The following USP13 variants were observed in gnomAD, a reference collection of about 807,000 sequenced individuals.
The protein encoded by USP13 is ubiquitin carboxyl-terminal hydrolase 13.
USP13 carries 68 observed loss-of-function variants against 107.8 expected under a neutral mutation model. The observed-to-expected ratio is 0.63, with a 90% CI of 0.52 to 0.77. USP13 has a LOEUF of 0.77. USP13 is among the 30% of genes least tolerant of loss of function. USP13 has a pLI of 0.00. For synonymous variants in USP13, 377 were observed against 389.5 expected (o/e 0.97, Z 0.38); for missense variants, 945 against 1,093.3 (o/e 0.86, Z 1.91).
chr3:179,761,387 G>C, intron 17 of USP13, 132 bp downstream of exon 17: 7 of 1,191,850 alleles, frequency 5.9e-6, no homozygotes, highest in South Asian at 1.7e-5. Flanking sequence ...TCCTGCAGTG[G>C]AGGAGAAAGC....
chr3:179,736,720 C>T (rs934006420), intron 10 of USP13, among the ~76,000 whole-genome samples: 5 of 152,206 alleles, frequency 3.3e-5, no homozygotes, highest in Non-Finnish European at 7.3e-5. Context: ...GAATGGGCCA[C>T]AGTCCAGGTA....
chr3:179,758,481 T>G (rs1714883652), intron 16 of USP13, among the ~76,000 whole-genome samples: 1 of 152,168 alleles, frequency 6.6e-6, no homozygotes, highest in African/African-American at 2.4e-5. Flanking sequence ...TGAACTGACA[T>G]TTGCATCCTA....
chr3:179,673,368 G>T (rs1720801676), intron 1 of USP13, among the ~76,000 whole-genome samples: 1 of 147,170 alleles, frequency 6.8e-6, no homozygotes, highest in African/African-American at 2.5e-5. Context: ...ACTGTTTTTG[G>T]GATTCAGTGG....
At chr3:179,672,683 G>A (rs1720784078) in intron 1 of USP13, among the ~76,000 whole-genome samples, 2 of 152,028 alleles carry the variant, frequency 1.3e-5, no homozygotes, top group South Asian at 2.1e-4. Flanking sequence ...CAAAGTGATG[G>A]GATTACAGGC....
intron 11 of USP13, among the ~76,000 whole-genome samples, chr3:179,741,826 G>T (rs1335551630): frequency 6.6e-6 from 1 of 152,188 alleles, no homozygotes; most frequent in Admixed American, 6.5e-5. Flanking sequence ...ATTTACATGA[G>T]TGTATTTATA....
intron 10 of USP13, among the ~76,000 whole-genome samples, chr3:179,734,939 A>C (rs1261651129): frequency 6.6e-6 from 1 of 152,148 alleles, no homozygotes; most frequent in Non-Finnish European, 1.5e-5. Context: ...AATATGGTGG[A>C]CTGTGTCTGG....
chr3:179,664,652 GA>G (rs1720536929), intron 1 of USP13, among the ~76,000 whole-genome samples: 1 of 152,170 alleles, frequency 6.6e-6, no homozygotes, highest in Admixed American at 6.5e-5. Context: ...CAGGCACAGG[GA>G]AGATGTGAAC....
At chr3:179,672,380 CT>C (rs993221171) in intron 1 of USP13, among the ~76,000 whole-genome samples, 1 of 147,860 alleles carries the variant, frequency 6.8e-6, no homozygotes, top group Non-Finnish European at 1.5e-5. Context: ...CTTTCTTTTT[CT>C]TTTTTTTTCT....
chr3:179,762,092 C>G lies in USP13; in HGVS notation c.2092+837C>G, dbSNP rs944332348. 1.2e-4 allele frequency among the ~76,000 whole-genome samples: 18 copies of G among 152,156 alleles called. 1 individual carries two copies. The highest frequency in any genetic ancestry group is 3.9e-4 in the Admixed American group (6 of 15,280). ...ATAATAGCAGTCACTCCCCATTTTC[C>G]TGCTCACCCCAGCCCCTGGCAACCA... On this transcript the variant is annotated intron_variant, in intron 17 of 20. Transcript: ENST00000263966.
Position 179,665,562 on chromosome 3 carries a change from C to T in USP13, c.168+12169C>T, listed in dbSNP as rs186255212. On this transcript the variant is annotated intron_variant, in intron 1 of 20. Coordinates refer to ENST00000263966, the MANE Select transcript of USP13 (RefSeq NM_003940.3). ...AGCCCTGATGAGTCATGAAGTTAGA[C>T]CCTGCAGCACTTATAGGATATTTAA... Among the ~76,000 whole-genome samples, 346 of 152,160 alleles carry T rather than the reference C, an allele frequency of 2.3e-3. 2 individuals carry two copies. The highest frequency in any genetic ancestry group is 7.8e-3 in the African/African-American group (323 of 41,494).
intron 1 of USP13, among the ~76,000 whole-genome samples, chr3:179,664,863 G>A (rs1434863073): frequency 1.3e-5 from 2 of 152,088 alleles, no homozygotes; most frequent in African/African-American, 4.8e-5. Context: ...TGAGGTGGGC[G>A]GATCACCTGA....
intron 3 of USP13, among the ~76,000 whole-genome samples, chr3:179,690,587 T>G (rs1397381720): frequency 6.6e-6 from 1 of 152,198 alleles, no homozygotes; most frequent in East Asian, 1.9e-4. Flanking sequence ...TATTTTTATT[T>G]TTTGAGACAG....
chr3:179,770,038 TC>T (rs1440624428), intron 19 of USP13, among the ~76,000 whole-genome samples: 20 of 152,220 alleles, frequency 1.3e-4, no homozygotes, highest in Non-Finnish European at 2.9e-5. Flanking sequence ...TCCCCAACGT[TC>T]CCCAGCAGTG....
At chr3:179,730,768 G>C (rs1448825787) in intron 10 of USP13, 59 bp downstream of exon 10, 14 of 1,515,168 alleles carry the variant, frequency 9.2e-6, no homozygotes, top group Non-Finnish European at 1.2e-5. Flanking sequence ...TTAGAATGTG[G>C]GTTTCCTATG....
At chr3:179,661,592 T>C (rs1291565787) in intron 1 of USP13, among the ~76,000 whole-genome samples, 1 of 152,134 alleles carries the variant, frequency 6.6e-6, no homozygotes, top group African/African-American at 2.4e-5. Flanking sequence ...GAGACTATTC[T>C]AATCTCTTGC....
chr3:179,659,812 G>A (rs1720403806), intron 1 of USP13, among the ~76,000 whole-genome samples: 1 of 152,138 alleles, frequency 6.6e-6, no homozygotes, highest in African/African-American at 2.4e-5. Flanking sequence ...GCTGAGGTGG[G>A]TGGATCACCT....
At chr3:179,725,708 AT>A (rs1289958695) in intron 8 of USP13, among the ~76,000 whole-genome samples, 1 of 152,340 alleles carries the variant, frequency 6.6e-6, no homozygotes, top group East Asian at 1.9e-4. Context: ...ACATAAATGT[AT>A]TCATTGAACA....
intron 3 of USP13, among the ~76,000 whole-genome samples, chr3:179,694,799 C>CAAAAAAAAAAAAA (rs576517737): frequency 8.5e-5 from 7 of 82,126 alleles, no homozygotes; most frequent in East Asian, 4.0e-4. Context: ...AACTCCATCT[C>CAAAAAAAAAAAAA]AAAAAAAAAA....
chr3:179,691,112 T>C (rs1413942545), intron 3 of USP13, among the ~76,000 whole-genome samples: 1 of 150,632 alleles, frequency 6.6e-6, no homozygotes, highest in Non-Finnish European at 1.5e-5. Flanking sequence ...GAGGCTGTAG[T>C]GAGCTATGAT....
Sources: gnomAD v4.1 joint callset for allele counts (sites outside exome capture counted in the v4.1 genomes callset) on GRCh38, gnomAD v4.1.1 for gene constraint, MANE v1.5 for transcripts, NCBI Gene and HGNC (gene_info 2026-07-23, HGNC 2026-07-21) for gene names.